Variants in CRLF2 observed in about 807,000 individuals in gnomAD.
CRLF2 encodes cytokine receptor-like factor 2.
A neutral mutation model predicts 38.7 loss-of-function variants in CRLF2; 41 were observed. That is an observed-to-expected ratio of 1.06 (90% CI 0.83 to 1.37). The LOEUF is 1.37. Ranked by LOEUF, CRLF2 falls within the 40% of genes most tolerant of loss-of-function variation. The pLI is 0.00. For synonymous variants in CRLF2, 140 were observed against 128.8 expected, an observed-to-expected ratio of 1.09 and a Z score of -0.59; for missense variants, 377 against 322.2, an observed-to-expected ratio of 1.17 and a Z score of -1.30.
Position 1,196,794 on chromosome X carries a change from T to A in CRLF2, c.753A>T (p.Leu251Phe). ...GTCATCCTTACCTCCATAATTTCCATAAAGACAGAAGGAGGAGAGACACCA... is the reference window on the plus strand; with the variant it reads ...GTCATCCTTACCTCCATAATTTCCAAAAAGACAGAAGGAGGAGAGACACCA... ...LLMVSLLLLS[L>F]WKLWRVKKFL... The change falls in exon 6 of 8, where the codon TTA becomes TTT. Residue 251 changes from leucine (L) to phenylalanine (F), a missense_variant. By Grantham distance (22) the Leu-to-Phe change is conservative. Coordinates refer to ENST00000400841, the MANE Select transcript of CRLF2 (RefSeq NM_022148.4). The A allele has an allele frequency of 6.2e-7, 1 of 1,613,340 alleles. No homozygotes were observed. The highest frequency in any genetic ancestry group is 8.5e-7 in the Non-Finnish European group (1 of 1,179,570).
chrX:1,194,909 G>A (rs1202785848), intron 6 of CRLF2, among the ~76,000 whole-genome samples: 10 of 152,080 alleles, frequency 6.6e-5, no homozygotes, highest in Non-Finnish European at 1.2e-4. Flanking sequence ...GCGCGCACCT[G>A]TAGTCCCAGC....
At chrX:1,206,958 T>A in intron 2 of CRLF2, among the ~76,000 whole-genome samples, 1 of 147,702 alleles carries the variant, frequency 6.8e-6, no homozygotes. Flanking sequence ...TTTTTTTTTT[T>A]TTTTTAAGAT....
At chrX:1,191,370 C>CCTTCCTTCCT (rs1427292357) in intron 7 of CRLF2, among the ~76,000 whole-genome samples, 1 of 48,116 alleles carries the variant, frequency 2.1e-5, no homozygotes, top group African/African-American at 6.2e-5. Flanking sequence ...TCCTTTCTTT[C>CCTTCCTTCCT]TCTTTCTTTC....
In CRLF2 at chrX:1,202,391, G is replaced by A. The variant is rs373054029; in HGVS notation, c.483+11C>T. The A allele has an allele frequency of 1.5e-4, 241 of 1,613,394 alleles. No individual in the cohort carries two copies. In the Admixed American group the frequency reaches 2.2e-3, roughly 15 times the overall value. The stretch of plus-strand genomic sequence containing the variant: ...GCCACCATCGCCCTGAGTCGCGGCC[G>A]CCCGGCTCACCTGCCACTCGGTGTC... On this transcript the variant is annotated intron_variant, in intron 4 of 7. Transcript: ENST00000400841.
intron 6 of CRLF2, among the ~76,000 whole-genome samples, chrX:1,196,483 A>G (rs752682576): frequency 7.3e-5 from 11 of 151,048 alleles, no homozygotes; most frequent in African/African-American, 2.7e-4. Flanking sequence ...ACCGTGCCTG[A>G]CCCTAATTTT....
intron 6 of CRLF2, among the ~76,000 whole-genome samples, chrX:1,195,983 T>G (rs1427918650): frequency 7.2e-6 from 1 of 139,334 alleles, no homozygotes. Context: ...ATTATATATA[T>G]TTTTATATAT....
intron 3 of CRLF2, among the ~76,000 whole-genome samples, chrX:1,205,636 T>G (rs2086678563): frequency 1.3e-5 from 2 of 151,594 alleles, no homozygotes; most frequent in African/African-American, 4.9e-5. Context: ...ATGAGCTTTT[T>G]TATTTATGGC....
At chrX:1,195,476 C>G (rs1209897328) in intron 6 of CRLF2, among the ~76,000 whole-genome samples, 11 of 151,970 alleles carry the variant, frequency 7.2e-5, no homozygotes, top group Non-Finnish European at 1.0e-4. Context: ...GGTGCAATCA[C>G]AGCTCACTGC....
chrX:1,197,985 T>G (rs1395741709), intron 5 of CRLF2, among the ~76,000 whole-genome samples: 1 of 151,838 alleles, frequency 6.6e-6, no homozygotes, highest in Admixed American at 6.6e-5. Flanking sequence ...CTGGGCACCA[T>G]GAGAATGTTT....
At chrX:1,197,776 T>C (rs2086514522) in intron 5 of CRLF2, among the ~76,000 whole-genome samples, 1 of 151,260 alleles carries the variant, frequency 6.6e-6, no homozygotes, top group Non-Finnish European at 1.5e-5. Flanking sequence ...ACCGTGCCAC[T>C]GAACTCCAGC....
chrX:1,210,607 G>A (rs1291327194), intron 1 of CRLF2, among the ~76,000 whole-genome samples: 2 of 152,182 alleles, frequency 1.3e-5, no homozygotes, highest in African/African-American at 4.8e-5. Flanking sequence ...ACAGCGCCCG[G>A]CCAAGTCTCT....
chrX:1,192,757 TTTCTTTCTTTCC>T lies in CRLF2; in HGVS notation c.852+449_852+460del, dbSNP rs1175247005. Among the ~76,000 whole-genome samples the T allele has an allele frequency of 6.6e-5, 7 of 106,796 alleles. No homozygotes were observed. In the East Asian group the frequency reaches 7.2e-4, roughly 11 times the overall value. The allele number at this position is 106,796 out of a possible 152,430, so 70.1% of individuals were successfully genotyped here. ...CTTTCTTTCTTTCTTTCTTTCTTTCTTTCTTTCTTTCCTTCCTTCCTCTCTCCCCCTTTCCTC... is the reference window on the plus strand; with the variant it reads ...CTTTCTTTCTTTCTTTCTTTCTTTCTTTCCTTCCTCTCTCCCCCTTTCCTC... On this transcript the variant is annotated intron_variant, in intron 7 of 7. Transcript: ENST00000400841.
At chrX:1,198,541 C>G (rs1304969349) in intron 5 of CRLF2, 21 bp downstream of exon 5, 28 of 1,613,308 alleles carry the variant, frequency 1.7e-5, no homozygotes, top group Non-Finnish European at 2.3e-5. Context: ...CTATGGGACA[C>G]TGCCGCGTAA....
chrX:1,201,522 G>GAGAGATAGATGATACATAGATAGATGAT (rs2086606443), intron 4 of CRLF2, among the ~76,000 whole-genome samples: 6 of 105,952 alleles, frequency 5.7e-5, no homozygotes, highest in African/African-American at 1.3e-4. Context: ...AGAGCGATGA[G>GAGAGATAGATGATACATAGATAGATGAT]AGAGAGATAG....
At chrX:1,192,875 A>G (rs1412644629) in intron 7 of CRLF2, among the ~76,000 whole-genome samples, 6 of 146,158 alleles carry the variant, frequency 4.1e-5, no homozygotes, top group East Asian at 4.1e-4. Flanking sequence ...GTGCAGTGGT[A>G]CAATCTCAGC....
chrX:1,206,821 T>G (rs774964288), intron 2 of CRLF2, among the ~76,000 whole-genome samples: 2 of 151,500 alleles, frequency 1.3e-5, no homozygotes, highest in East Asian at 3.9e-4. Context: ...TTTTGTAGTT[T>G]TACTGGAGAC....
At position 1,202,512 on chromosome X, in the gene CRLF2, CG is replaced by C; in HGVS notation, c.372del (p.His124GlnfsTer2). On this transcript the variant is annotated frameshift_variant, in exon 4 of 8. Transcript: ENST00000400841. LOFTEE classifies it high-confidence loss of function. ...VYYLKPSSPK[H>X]VRFSWHQDAV... Reference sequence around the variant, plus strand: ...GCATCCTGATGCCACGAAAATCTCACGTGCTTCGGGGAACTGGGTTTCACTG... The same window carrying C: ...GCATCCTGATGCCACGAAAATCTCACTGCTTCGGGGAACTGGGTTTCACTG... The C allele has an allele frequency of 1.9e-6, 3 of 1,613,720 alleles. No individual in the cohort carries two copies. The highest frequency in any genetic ancestry group is 2.5e-6 in the Non-Finnish European group (3 of 1,179,684).
At chrX:1,196,684 G>A (rs1352052171) in intron 6 of CRLF2, 96 bp downstream of exon 6, 11 of 1,464,242 alleles carry the variant, frequency 7.5e-6, no homozygotes, top group Non-Finnish European at 1.0e-5. Flanking sequence ...TGAGGCCCAG[G>A]GAAATGACTC....
At chrX:1,193,002 TG>T (rs2086420522) in intron 7 of CRLF2, among the ~76,000 whole-genome samples, 1 of 151,408 alleles carries the variant, frequency 6.6e-6, no homozygotes, top group African/African-American at 2.4e-5. Flanking sequence ...TTAGTAGAGA[TG>T]GGGTTTCACA....
Sources: gnomAD v4.1 joint callset for allele counts (sites outside exome capture counted in the v4.1 genomes callset) on GRCh38, gnomAD v4.1.1 for gene constraint, MANE v1.5 for transcripts, NCBI Gene and HGNC (gene_info 2026-07-23, HGNC 2026-07-21) for gene names.